Variants in KAZN observed in about 807,000 individuals in gnomAD.
KAZN encodes kazrin, periplakin interacting protein, also known as kazrin.
A neutral mutation model predicts 87.4 loss-of-function variants in KAZN; 40 were observed. The observed-to-expected ratio is 0.46, with a 90% CI of 0.36 to 0.60. The LOEUF is 0.60. Ranked by LOEUF, KAZN falls within the 20% of genes least tolerant of loss-of-function variation. The probability of loss-of-function intolerance (pLI) is 0.00; values close to 1 mark genes in which losing one functional copy is unlikely to be tolerated. For missense variants in KAZN, 898 were observed against 1,073.9 expected, an observed-to-expected ratio of 0.84 and a Z score of 2.29; for synonymous variants, 466 against 458.3, an observed-to-expected ratio of 1.02 and a Z score of -0.22.
At chr1:14,119,895 C>T (rs1000821981) in intron 1 of KAZN, among the ~76,000 whole-genome samples, 7 of 92,470 alleles carry the variant, frequency 7.6e-5, no homozygotes, top group Admixed American at 2.6e-4. Flanking sequence ...ATGTGCCAGG[C>T]ACTGTTCTAA....
chr1:14,116,360 AG>A (rs1644618020), intron 1 of KAZN, among the ~76,000 whole-genome samples: 1 of 152,186 alleles, frequency 6.6e-6, no homozygotes, highest in Non-Finnish European at 1.5e-5. Context: ...TCTCCATCCC[AG>A]CTGCTCCAGC....
chr1:14,003,615 C>A (rs1639909184), intron 1 of KAZN, among the ~76,000 whole-genome samples: 1 of 152,110 alleles, frequency 6.6e-6, no homozygotes, highest in African/African-American at 2.4e-5. Flanking sequence ...CCACACACTG[C>A]AGTGTGGTGG....
chr1:14,616,423 G>A (rs1159638707), intron 1 of KAZN, among the ~76,000 whole-genome samples: 1 of 151,770 alleles, frequency 6.6e-6, no homozygotes, highest in Non-Finnish European at 1.5e-5. Context: ...CTGGTATGGA[G>A]TTTATGGCTT....
intron 1 of KAZN, chr1:14,930,188 C>T (rs914454587): frequency 3.6e-6 from 2 of 560,630 alleles, no homozygotes; most frequent in Non-Finnish European, 4.5e-6. Context: ...AAACACCCTC[C>T]ACCTGGCACC....
chr1:14,118,811 T>A (rs1184045619), intron 1 of KAZN, among the ~76,000 whole-genome samples: 1 of 152,170 alleles, frequency 6.6e-6, no homozygotes, highest in Non-Finnish European at 1.5e-5. Context: ...TAATTAGGGA[T>A]AGAGCCGGGA....
At chr1:15,037,782 A>G (rs1672489513) in intron 3 of KAZN, among the ~76,000 whole-genome samples, 1 of 152,088 alleles carries the variant, frequency 6.6e-6, no homozygotes, top group African/African-American at 2.4e-5. Flanking sequence ...CTGGTCCCAC[A>G]CAGACCCCAG....
intron 1 of KAZN, among the ~76,000 whole-genome samples, chr1:14,616,734 G>T (rs1267068207): frequency 6.6e-6 from 1 of 152,178 alleles, no homozygotes; most frequent in Non-Finnish European, 1.5e-5. Context: ...GCGATCTCAG[G>T]GTTGCCTTTT....
chr1:14,783,534 C>CTAGA (rs1645417996), intron 1 of KAZN, among the ~76,000 whole-genome samples: 1 of 152,150 alleles, frequency 6.6e-6, no homozygotes, highest in African/African-American at 2.4e-5. Flanking sequence ...ACGTCCTGGG[C>CTAGA]TAGACCCTAG....
At chr1:15,049,291 G>A (rs530597935) in intron 4 of KAZN, among the ~76,000 whole-genome samples, 2 of 152,326 alleles carry the variant, frequency 1.3e-5, no homozygotes, top group African/African-American at 2.4e-5. Flanking sequence ...CGGCTCACAC[G>A]GACCTCGCTG....
intron 8 of KAZN, among the ~76,000 whole-genome samples, chr1:15,089,007 G>T (rs1573282679): frequency 6.6e-6 from 1 of 151,748 alleles, no homozygotes; most frequent in Admixed American, 6.6e-5. Flanking sequence ...GCACACACAC[G>T]CTCACATTGC....
intron 2 of KAZN, among the ~76,000 whole-genome samples, chr1:14,365,691 A>G (rs1571407623): frequency 6.6e-6 from 1 of 152,178 alleles, no homozygotes; most frequent in Non-Finnish European, 1.5e-5. Flanking sequence ...ACCTTTCCCC[A>G]GTCATAACAA....
intron 2 of KAZN, among the ~76,000 whole-genome samples, chr1:14,481,672 T>C (rs1025159656): frequency 1.2e-4 from 17 of 146,476 alleles, no homozygotes; most frequent in African/African-American, 4.3e-4. Flanking sequence ...TGGTTCTTGA[T>C]TGTTTAGGCA....
intron 1 of KAZN, among the ~76,000 whole-genome samples, chr1:14,886,437 TACACACAC>T (rs34119523): frequency 6.8e-6 from 1 of 147,210 alleles, no homozygotes; most frequent in African/African-American, 2.5e-5. Flanking sequence ...CACACACACA[TACACACAC>T]ACACACACAC....
chr1:14,119,541 C>A (rs749741530), intron 1 of KAZN, among the ~76,000 whole-genome samples: 9 of 152,120 alleles, frequency 5.9e-5, no homozygotes, highest in Non-Finnish European at 1.3e-4. Context: ...CTTTTCCCAT[C>A]TTCCACTTGG....
intron 1 of KAZN, among the ~76,000 whole-genome samples, chr1:13,932,282 A>G (rs1205002950): frequency 4.8e-5 from 6 of 125,548 alleles, no homozygotes; most frequent in African/African-American, 1.9e-4. Flanking sequence ...TTTTTTTGAG[A>G]CGGAGTCTCG....
intron 2 of KAZN, among the ~76,000 whole-genome samples, chr1:14,539,795 G>GTTAAATGTAAGATA (rs1672704338): frequency 6.6e-6 from 1 of 151,454 alleles, no homozygotes; most frequent in African/African-American, 2.4e-5. Flanking sequence ...GTGCCTATTT[G>GTTAAATGTAAGATA]CCATCAGAAC....
intron 2 of KAZN, among the ~76,000 whole-genome samples, chr1:14,524,252 CCT>C (rs1671748078): frequency 6.6e-6 from 1 of 152,088 alleles, no homozygotes; most frequent in South Asian, 2.1e-4. Flanking sequence ...AAACTCCTGA[CCT>C]CAAGTGGTCC....
chr1:14,244,436 T>A (rs1009795295), intron 2 of KAZN, among the ~76,000 whole-genome samples: 3 of 152,214 alleles, frequency 2.0e-5, no homozygotes, highest in Admixed American at 2.0e-4. Flanking sequence ...ATTGGTTCAT[T>A]TGTTCAGTAA....
chr1:14,198,901 A>G (rs1171932655), intron 2 of KAZN, among the ~76,000 whole-genome samples: 1 of 152,116 alleles, frequency 6.6e-6, no homozygotes, highest in Non-Finnish European at 1.5e-5. Context: ...GTAGGTGGCA[A>G]AGCTAAGGTT....
Sources: gnomAD v4.1 joint callset for allele counts (sites outside exome capture counted in the v4.1 genomes callset) on GRCh38, gnomAD v4.1.1 for gene constraint, MANE v1.5 for transcripts, NCBI Gene and HGNC (gene_info 2026-07-23, HGNC 2026-07-21) for gene names.